The following FMN1 variants were observed in gnomAD, a reference collection of about 807,000 sequenced individuals.
The protein encoded by FMN1 is formin-1.
In FMN1, 110 loss-of-function variants were observed where a neutral mutation model predicts 132.4. That is an observed-to-expected ratio of 0.83 (90% CI 0.71 to 0.97). The LOEUF (loss-of-function observed/expected upper bound fraction) is 0.97, where lower values mean the gene tolerates loss of function less well. FMN1 is among the 50% of genes least tolerant of loss of function. The probability of loss-of-function intolerance (pLI) is 0.00; values close to 1 mark genes in which losing one functional copy is unlikely to be tolerated. For synonymous variants in FMN1, 722 were observed against 651.7 expected (o/e 1.11, Z -1.64); for missense variants, 1,792 against 1,705.3 (o/e 1.05, Z -0.90).
chr15:32,973,421 T>G (rs991907510), intron 7 of FMN1, among the ~76,000 whole-genome samples: 2 of 152,172 alleles, frequency 1.3e-5, no homozygotes, highest in African/African-American at 4.8e-5. Flanking sequence ...ACAGACTCCA[T>G]GAATGGGTTC....
intron 5 of FMN1, among the ~76,000 whole-genome samples, chr15:33,085,936 G>A (rs1372659489): frequency 1.3e-5 from 2 of 152,162 alleles, no homozygotes; most frequent in Non-Finnish European, 2.9e-5. Flanking sequence ...TGGATAAGCA[G>A]TTTAAGAGTA....
intron 4 of FMN1, 96 bp from the exon 5 acceptor site, chr15:33,089,070 GC>G: frequency 5.2e-6 from 5 of 967,358 alleles, no homozygotes; most frequent in Non-Finnish European, 7.3e-6. Flanking sequence ...ACTTCTCTAT[GC>G]TAGCTCTTAC....
chr15:32,823,460 G>A (rs547434255), intron 17 of FMN1, among the ~76,000 whole-genome samples: 35 of 152,170 alleles, frequency 2.3e-4, no homozygotes, highest in Admixed American at 4.6e-4. Context: ...CACTGCGCCC[G>A]GCCGAGAGTT....
At chr15:33,009,818 A>G (rs343926) in intron 6 of FMN1, among the ~76,000 whole-genome samples, 146,581 of 152,266 alleles carry the variant, frequency 0.96, 70,829 homozygotes, top group Non-Finnish European at 1. Flanking sequence ...AACAAATGAT[A>G]GTATGTCCAT....
chr15:33,165,422 G>A (rs1013277439), intron 3 of FMN1, among the ~76,000 whole-genome samples: 17 of 152,206 alleles, frequency 1.1e-4, no homozygotes, highest in Admixed American at 9.8e-4. Flanking sequence ...ACGGAGTCTC[G>A]CTCTGTCACC....
chr15:33,031,219 C>T (rs1203106880), intron 6 of FMN1, among the ~76,000 whole-genome samples: 1 of 152,160 alleles, frequency 6.6e-6, no homozygotes. Context: ...CTCTTAATGT[C>T]CACAGCATAC....
chr15:32,828,505 G>GT (rs201540808), intron 17 of FMN1, among the ~76,000 whole-genome samples: 24,985 of 146,698 alleles, frequency 0.17, 2,421 homozygotes, highest in East Asian at 0.49. Flanking sequence ...CATTTAGCAT[G>GT]TTTTTTTTTT....
At chr15:32,790,151 G>C (rs1307543208) in intron 19 of FMN1, among the ~76,000 whole-genome samples, 1 of 152,240 alleles carries the variant, frequency 6.6e-6, no homozygotes, top group Non-Finnish European at 1.5e-5. Flanking sequence ...GCACAGAAAA[G>C]AAGGCAGTTA....
chr15:32,805,981 G>T (rs1026040217), intron 17 of FMN1, among the ~76,000 whole-genome samples: 1 of 151,406 alleles, frequency 6.6e-6, no homozygotes, highest in Non-Finnish European at 1.5e-5. Flanking sequence ...ATTTTGGGGT[G>T]GTTCTTTTAT....
Position 33,058,036 on chromosome 15 carries a change from C to CGGGGCTGGTGGTGGAAAGGTGTGGCG in FMN1, c.2161+6920_2161+6921insCGCCACACCTTTCCACCACCAGCCCC, listed in dbSNP as rs113942294. Among the ~76,000 whole-genome samples the CGGGGCTGGTGGTGGAAAGGTGTGGCG allele has an allele frequency of 8.6e-4, 126 of 146,780 alleles. 2 individuals carry two copies. Among genetic ancestry groups the CGGGGCTGGTGGTGGAAAGGTGTGGCG allele is most frequent in the African/African-American group, 3.1e-3 (123 of 40,010 alleles). On this transcript the variant is annotated intron_variant, in intron 6 of 20. Transcript: ENST00000616417. ...CGGGGCTGGTAGTGGAAAGGCGTGG[C>CGGGGCTGGTGGTGGAAAGGTGTGGCG]GGGCTGGTGGTGGAAAGGTGTGGTG...
At chr15:33,102,973 TTTA>T (rs1271240156) in intron 4 of FMN1, among the ~76,000 whole-genome samples, 3 of 152,088 alleles carry the variant, frequency 2.0e-5, no homozygotes, top group African/African-American at 7.2e-5. Flanking sequence ...ATGTCTTTAA[TTTA>T]TTTTTTATTT....
intron 6 of FMN1, among the ~76,000 whole-genome samples, chr15:33,050,429 A>G (rs2036916637): frequency 6.6e-6 from 1 of 152,216 alleles, no homozygotes; most frequent in African/African-American, 2.4e-5. Flanking sequence ...TCTTCAAATC[A>G]GTAAGAAAAA....
chr15:33,041,721 G>T (rs765501101), intron 6 of FMN1, among the ~76,000 whole-genome samples: 1 of 151,986 alleles, frequency 6.6e-6, no homozygotes, highest in Non-Finnish European at 1.5e-5. Flanking sequence ...GTGTTGTCAA[G>T]GATATGAAAA....
chr15:33,018,561 C>A (rs2035211981), intron 6 of FMN1, among the ~76,000 whole-genome samples: 1 of 152,082 alleles, frequency 6.6e-6, no homozygotes, highest in Non-Finnish European at 1.5e-5. Flanking sequence ...GGTGGTGCGC[C>A]CAAGAAGAAA....
chr15:32,848,110 A>T (rs557064054), intron 17 of FMN1, among the ~76,000 whole-genome samples: 1 of 152,304 alleles, frequency 6.6e-6, no homozygotes, highest in East Asian at 1.9e-4. Context: ...GAACAGGATT[A>T]TGGCAATAAG....
At chr15:32,888,629 T>G (rs1330502222) in intron 15 of FMN1, among the ~76,000 whole-genome samples, 1 of 152,198 alleles carries the variant, frequency 6.6e-6, no homozygotes, top group African/African-American at 2.4e-5. Context: ...ATGAAAGTAC[T>G]TACATTTGAA....
At chr15:32,868,182 G>A (rs537326882) in intron 16 of FMN1, among the ~76,000 whole-genome samples, 75 of 152,224 alleles carry the variant, frequency 4.9e-4, no homozygotes, top group African/African-American at 1.7e-3. Flanking sequence ...CTGATAGTCC[G>A]GTGATGATGT....
At chr15:32,784,373 C>CT (rs966286179) in intron 19 of FMN1, among the ~76,000 whole-genome samples, 4,041 of 143,440 alleles carry the variant, frequency 0.028, 95 homozygotes, top group African/African-American at 0.061. Context: ...AAGAGGTCTG[C>CT]TTTTTTTTTT....
chr15:33,148,805 C>T (rs111506765), intron 4 of FMN1, among the ~76,000 whole-genome samples: 4 of 152,284 alleles, frequency 2.6e-5, no homozygotes, highest in African/African-American at 9.6e-5. Context: ...CATCCTATCC[C>T]TACCTCCTGG....
Sources: gnomAD v4.1 joint callset for allele counts (sites outside exome capture counted in the v4.1 genomes callset) on GRCh38, gnomAD v4.1.1 for gene constraint, MANE v1.5 for transcripts, NCBI Gene and HGNC (gene_info 2026-07-23, HGNC 2026-07-21) for gene names.